EYS: variants seen among roughly 807,000 people sequenced by gnomAD.
EYS encodes the protein protein eyes shut homolog.
EYS carries 250 observed loss-of-function variants against 282.1 expected under a neutral mutation model. The ratio of observed to expected loss-of-function variants is 0.89; its 90% CI spans 0.80 to 0.98. The LOEUF (loss-of-function observed/expected upper bound fraction) is 0.98, where lower values mean the gene tolerates loss of function less well. Ranked by LOEUF, EYS falls within the 50% of genes least tolerant of loss-of-function variation. The probability of loss-of-function intolerance (pLI) is 0.00; values close to 1 mark genes in which losing one functional copy is unlikely to be tolerated. For synonymous variants in EYS, 1,355 were observed against 1,282.9 expected, an observed-to-expected ratio of 1.06 and a Z score of -1.20; for missense variants, 4,016 against 3,709.0, an observed-to-expected ratio of 1.08 and a Z score of -2.15.
intron 5 of EYS, among the ~76,000 whole-genome samples, chr6:65,407,349 G>T (rs1331218318): frequency 5.9e-5 from 9 of 152,028 alleles, no homozygotes; most frequent in Non-Finnish European, 2.9e-5. Context: ...TCCAGCTCCT[G>T]CATTCAAGTG....
intron 22 of EYS, among the ~76,000 whole-genome samples, chr6:64,792,791 G>A (rs934423440): frequency 2.6e-5 from 4 of 151,496 alleles, no homozygotes; most frequent in Non-Finnish European, 5.9e-5. Context: ...ATTCCTTTCT[G>A]TCTCCCTGTT....
intron 33 of EYS, among the ~76,000 whole-genome samples, chr6:64,027,544 C>G (rs944046004): frequency 1.3e-5 from 2 of 152,138 alleles, no homozygotes; most frequent in African/African-American, 2.4e-5. Flanking sequence ...AAAGCAAGAT[C>G]AGAGAAAGTC....
chr6:64,520,915 A>T (rs1777715122), intron 26 of EYS, among the ~76,000 whole-genome samples: 1 of 151,790 alleles, frequency 6.6e-6, no homozygotes, highest in Admixed American at 6.6e-5. Flanking sequence ...AATTATGGGT[A>T]TTAAAAGAAA....
chr6:65,647,304 G>A (rs1767485937), intron 1 of EYS, among the ~76,000 whole-genome samples: 1 of 152,078 alleles, frequency 6.6e-6, no homozygotes, highest in South Asian at 2.1e-4. Flanking sequence ...CATGGTACAG[G>A]TATAAAAATA....
intron 26 of EYS, among the ~76,000 whole-genome samples, chr6:64,523,836 C>G (rs112144088): frequency 6.6e-6 from 1 of 151,730 alleles, no homozygotes; most frequent in African/African-American, 2.4e-5. Context: ...CCTCCTTCCT[C>G]CCTCCCATCT....
chr6:64,691,680 T>C (rs1770389062), intron 22 of EYS, among the ~76,000 whole-genome samples: 1 of 152,124 alleles, frequency 6.6e-6, no homozygotes, highest in South Asian at 2.1e-4. Flanking sequence ...ACCTACAGTG[T>C]TTATTATTCT....
chr6:63,872,143 T>C (rs963361981), intron 35 of EYS, among the ~76,000 whole-genome samples: 6 of 152,192 alleles, frequency 3.9e-5, no homozygotes, highest in African/African-American at 1.4e-4. Flanking sequence ...AGCATCTTTG[T>C]GGTGGCTTCT....
intron 14 of EYS, among the ~76,000 whole-genome samples, chr6:64,965,559 CA>C (rs1562279028): frequency 6.6e-6 from 1 of 151,790 alleles, no homozygotes; most frequent in African/African-American, 2.4e-5. Context: ...AGCAAAATGA[CA>C]AAATAAAAGA....
chr6:64,892,261 T>C (rs1271098370), intron 18 of EYS, among the ~76,000 whole-genome samples: 1 of 151,970 alleles, frequency 6.6e-6, no homozygotes, highest in East Asian at 1.9e-4. Flanking sequence ...AGTAGATGTA[T>C]TATTTGTATG....
At chr6:64,055,303 A>ATG (rs1038243373) in intron 33 of EYS, among the ~76,000 whole-genome samples, 10 of 152,128 alleles carry the variant, frequency 6.6e-5, no homozygotes, top group Non-Finnish European at 1.5e-4. Flanking sequence ...AAATAGGTGT[A>ATG]TGTGTGTGTG....
rs890267915 is a variant in EYS at position 64,195,406 on chromosome 6, G to C, written c.6424+35186C>G. ...CCACCTCCACCTCCCAAGTTCAAGT[G>C]ATTCTCCTGCCTCAGCCTCCCAAGT... On this transcript the variant is annotated intron_variant, in intron 31 of 42. Transcript: ENST00000503581. Among the ~76,000 whole-genome samples, 5 of 152,242 alleles carry C rather than the reference G, an allele frequency of 3.3e-5. No homozygotes were observed. The South Asian group carries it at 1.0e-3, about 32-fold the overall frequency.
At chr6:63,809,051 C>T (rs1329627421) in intron 36 of EYS, among the ~76,000 whole-genome samples, 4 of 152,076 alleles carry the variant, frequency 2.6e-5, no homozygotes, top group African/African-American at 9.7e-5. Flanking sequence ...TCCTCTAAAC[C>T]GTTAGTTGTG....
chr6:63,807,659 A>G (rs1347074183), intron 36 of EYS, among the ~76,000 whole-genome samples: 2 of 152,192 alleles, frequency 1.3e-5, no homozygotes, highest in African/African-American at 4.8e-5. Flanking sequence ...TTATCAGTTT[A>G]TTCCCTGGGA....
intron 26 of EYS, among the ~76,000 whole-genome samples, chr6:64,534,802 T>C (rs1253319169): frequency 6.6e-6 from 1 of 152,106 alleles, no homozygotes; most frequent in Non-Finnish European, 1.5e-5. Context: ...CCATCTTTTT[T>C]TTTTTTTCCA....
At chr6:64,908,245 C>A (rs530124659) in intron 16 of EYS, among the ~76,000 whole-genome samples, 57 of 152,232 alleles carry the variant, frequency 3.7e-4, no homozygotes, top group African/African-American at 1.2e-3. Context: ...CTGGCCACTC[C>A]AGATGCCGAA....
chr6:65,456,528 A>G (rs1189487002), intron 5 of EYS, among the ~76,000 whole-genome samples: 3 of 152,112 alleles, frequency 2.0e-5, no homozygotes, highest in Non-Finnish European at 4.4e-5. Context: ...GTTCTTGTAC[A>G]ATTATTTTAT....
At chr6:63,834,313 T>A (rs1428670265) in intron 36 of EYS, among the ~76,000 whole-genome samples, 1 of 152,138 alleles carries the variant, frequency 6.6e-6, no homozygotes, top group African/African-American at 2.4e-5. Context: ...TCTACCCATG[T>A]GACAAGGGAG....
chr6:65,682,024 T>A (rs1223082849), intron 1 of EYS, among the ~76,000 whole-genome samples: 3 of 152,092 alleles, frequency 2.0e-5, no homozygotes, highest in Middle Eastern at 3.4e-3. Context: ...ACTAGGCTAC[T>A]CCAGCAATTA....
chr6:65,631,852 G>T (rs1156673678), intron 2 of EYS, among the ~76,000 whole-genome samples: 1 of 152,076 alleles, frequency 6.6e-6, no homozygotes, highest in Non-Finnish European at 1.5e-5. Context: ...GAGTTCCCAA[G>T]CATAAAAGAG....
Sources: gnomAD v4.1 joint callset for allele counts (sites outside exome capture counted in the v4.1 genomes callset) on GRCh38, gnomAD v4.1.1 for gene constraint, MANE v1.5 for transcripts, NCBI Gene and HGNC (gene_info 2026-07-23, HGNC 2026-07-21) for gene names.